Variants in DCC observed in about 807,000 individuals in gnomAD.
DCC encodes the protein DCC netrin 1 receptor.
DCC carries 58 observed loss-of-function variants against 172.5 expected under a neutral mutation model. The ratio of observed to expected loss-of-function variants is 0.34; its 90% CI spans 0.27 to 0.42. The LOEUF (loss-of-function observed/expected upper bound fraction) is 0.42. Ranked by LOEUF, DCC falls within the 10% of genes least tolerant of loss-of-function variation. The pLI is 1.00. For synonymous variants in DCC, 709 were observed against 644.5 expected, an observed-to-expected ratio of 1.10 and a Z score of -1.52; for missense variants, 1,740 against 1,791.0, an observed-to-expected ratio of 0.97 and a Z score of 0.51.
At chr18:53,394,018 T>C (rs751036575) in intron 17 of DCC, among the ~76,000 whole-genome samples, 1 of 152,008 alleles carries the variant, frequency 6.6e-6, no homozygotes, top group Non-Finnish European at 1.5e-5. Context: ...CAAATAATGG[T>C]GATAGACTCT....
At chr18:52,742,458 G>A (rs1568075970) in intron 1 of DCC, among the ~76,000 whole-genome samples, 1 of 152,050 alleles carries the variant, frequency 6.6e-6, no homozygotes, top group Non-Finnish European at 1.5e-5. Flanking sequence ...TTTATTATTG[G>A]ATTCTTCAAG....
At chr18:52,924,727 A>G (rs2040175468) in intron 4 of DCC, among the ~76,000 whole-genome samples, 1 of 152,216 alleles carries the variant, frequency 6.6e-6, no homozygotes, top group South Asian at 2.1e-4. Context: ...AAGGCATGGC[A>G]TATGATATTA....
intron 5 of DCC, among the ~76,000 whole-genome samples, chr18:53,027,730 C>T (rs1408360262): frequency 6.6e-6 from 1 of 151,920 alleles, no homozygotes; most frequent in Non-Finnish European, 1.5e-5. Flanking sequence ...TTTTACTTTC[C>T]CTCACTTCCA....
intron 1 of DCC, among the ~76,000 whole-genome samples, chr18:52,530,590 TG>T (rs2032120688): frequency 6.6e-6 from 1 of 152,220 alleles, no homozygotes; most frequent in South Asian, 2.1e-4. Flanking sequence ...CTGGAACTTT[TG>T]TCTTTTTCTT....
At chr18:52,988,738 G>A (rs1365120205) in intron 5 of DCC, among the ~76,000 whole-genome samples, 1 of 152,034 alleles carries the variant, frequency 6.6e-6, no homozygotes, top group African/African-American at 2.4e-5. Context: ...TATGTATGAT[G>A]AAATTTGCTG....
rs148153406 is a variant in DCC, at chr18:53,300,306, C to T, written c.1912-5272C>T. The stretch of plus-strand genomic sequence containing the variant: ...TAAAATTTGAGTTGCCAAATGTCCA[C>T]GTTCCCAGCTGAGGTTGAAGAAAGA... On this transcript the variant is annotated intron_variant, in intron 12 of 28. Transcript: ENST00000442544. 6.1e-4 allele frequency among the ~76,000 whole-genome samples: 93 copies of T among 152,264 alleles called. No individual in the cohort carries two copies. In the Middle Eastern group the frequency reaches 0.01, roughly 17 times the overall value.
intron 5 of DCC, among the ~76,000 whole-genome samples, chr18:53,047,433 A>G (rs1414136281): frequency 4.1e-5 from 3 of 72,958 alleles, no homozygotes; most frequent in Admixed American, 1.2e-4. Flanking sequence ...TTTTACATAT[A>G]TATATATATA....
intron 1 of DCC, among the ~76,000 whole-genome samples, chr18:52,446,992 G>T (rs2144507775): frequency 6.6e-6 from 1 of 152,314 alleles, no homozygotes; most frequent in East Asian, 1.9e-4. Context: ...TGTCTGAGCA[G>T]TTCTGTGGAG....
intron 3 of DCC, among the ~76,000 whole-genome samples, chr18:52,907,709 A>G (rs12373205): frequency 0.26 from 40,039 of 152,070 alleles, 5,475 homozygotes; most frequent in Admixed American, 0.33. Flanking sequence ...GGCGTGAGCC[A>G]CTGTGCCCAG....
At chr18:53,388,729 T>C (rs1235085300) in intron 16 of DCC, among the ~76,000 whole-genome samples, 1 of 152,244 alleles carries the variant, frequency 6.6e-6, no homozygotes, top group East Asian at 1.9e-4. Context: ...TATTCTCAAC[T>C]GCTTTATCAA....
At chr18:52,378,014 T>G (rs1297675822) in intron 1 of DCC, among the ~76,000 whole-genome samples, 1 of 152,064 alleles carries the variant, frequency 6.6e-6, no homozygotes, top group Non-Finnish European at 1.5e-5. Flanking sequence ...CATTTCTTTT[T>G]TTTCTTTTTT....
rs1042076285 is a variant in DCC, at chr18:53,506,835, G to GTGAC, written c.4111+7326_4111+7329dup. Among the ~76,000 whole-genome samples the GTGAC allele has an allele frequency of 4.7e-5, 7 of 148,906 alleles. No homozygotes were observed. In the East Asian group the frequency reaches 7.9e-4, roughly 17 times the overall value. ...ATCATGCCACTGCACTCCAGTCTGGGTGACAGAGCAAGAGACTCCATCTCA... is the reference window on the plus strand; with the variant it reads ...ATCATGCCACTGCACTCCAGTCTGGGTGACTGACAGAGCAAGAGACTCCATCTCA... On this transcript the variant is annotated intron_variant, in intron 27 of 28. Transcript: ENST00000442544.
chr18:53,292,997 A>C (rs1358060586), intron 12 of DCC, among the ~76,000 whole-genome samples: 2 of 152,220 alleles, frequency 1.3e-5, no homozygotes, highest in Non-Finnish European at 2.9e-5. Flanking sequence ...AAATCATGAC[A>C]ATCGTGACAT....
intron 5 of DCC, among the ~76,000 whole-genome samples, chr18:52,969,627 G>A (rs1276061527): frequency 1.9e-5 from 2 of 107,302 alleles, no homozygotes; most frequent in Admixed American, 1.1e-4. Flanking sequence ...CTCTCTTTCT[G>A]TGACTCTCTG....
rs568317527 is a variant in DCC at position 52,954,816 on chromosome 18, T to C, written c.985+29446T>C. ...ATTATAGAGAGGAGTTGTATAAATA[T>C]TCTAATTTCAATTTCTCTAAGTCAT... is the stretch of plus-strand genomic sequence containing the variant. On this transcript the variant is annotated intron_variant, in intron 5 of 28. Coordinates refer to ENST00000442544, the MANE Select transcript of DCC (RefSeq NM_005215.4). Among the ~76,000 whole-genome samples the C allele has an allele frequency of 3.9e-4, 60 of 152,306 alleles. 1 individual carries two copies. In the South Asian group the frequency reaches 0.011, roughly 27 times the overall value.
At chr18:53,351,382 CAGTATATATATAT>C (rs1568074986) in intron 15 of DCC, among the ~76,000 whole-genome samples, 13 of 27,562 alleles carry the variant, frequency 4.7e-4, no homozygotes, top group African/African-American at 1.5e-3. Context: ...TATATATATA[CAGTATATATATAT>C]ACAGTGTATA....
At chr18:53,266,105 C>T (rs773057663) in intron 12 of DCC, among the ~76,000 whole-genome samples, 2 of 152,188 alleles carry the variant, frequency 1.3e-5, no homozygotes, top group Non-Finnish European at 2.9e-5. Context: ...TAACCAAGCA[C>T]CAGGTCAGTG....
chr18:52,930,334 C>A (rs529105460), intron 5 of DCC, among the ~76,000 whole-genome samples: 1 of 152,074 alleles, frequency 6.6e-6, no homozygotes, highest in Non-Finnish European at 1.5e-5. Context: ...TGGCTTGCAC[C>A]TGTAGTCCCA....
At chr18:52,893,269 C>T (rs1223079070) in intron 2 of DCC, among the ~76,000 whole-genome samples, 1 of 151,896 alleles carries the variant, frequency 6.6e-6, no homozygotes, top group Non-Finnish European at 1.5e-5. Flanking sequence ...TCCTATGAAA[C>T]AAATGTAGAG....
Sources: allele counts gnomAD v4.1 joint callset (sites outside exome capture counted in the v4.1 genomes callset), GRCh38; gene constraint gnomAD v4.1.1; transcripts MANE v1.5; gene names NCBI Gene and HGNC (gene_info 2026-07-23, HGNC 2026-07-21).